The following SLC7A2 variants were observed in gnomAD, a reference collection of about 807,000 sequenced individuals.
SLC7A2 encodes the protein cationic amino acid transporter 2.
SLC7A2 carries 48 observed loss-of-function variants against 58.9 expected under a neutral mutation model. The ratio of observed to expected loss-of-function variants is 0.82; its 90% CI spans 0.65 to 1.04. SLC7A2 has a LOEUF of 1.04. Among genes scored for constraint, SLC7A2 ranks in the 50% least tolerant of loss-of-function variants. The pLI, the probability that SLC7A2 is intolerant of heterozygous loss-of-function variation, is 0.00. For missense variants in SLC7A2, 1,029 were observed against 818.8 expected (o/e 1.26, Z -3.13); for synonymous variants, 363 against 314.5 (o/e 1.15, Z -1.63).
intron 7 of SLC7A2, among the ~76,000 whole-genome samples, chr8:17,553,001 C>A (rs1308713462): frequency 6.6e-6 from 1 of 152,128 alleles, no homozygotes; most frequent in African/African-American, 2.4e-5. Context: ...CTAGTTAAGA[C>A]AATATTGAGT....
At chr8:17,561,714 G>T (rs1251792507) in intron 10 of SLC7A2, among the ~76,000 whole-genome samples, 1 of 152,174 alleles carries the variant, frequency 6.6e-6, no homozygotes, top group South Asian at 2.1e-4. Flanking sequence ...AGGGGCGGTT[G>T]GTTCTAAGGA....
At chr8:17,506,946 A>AT (rs34439439) in intron 2 of SLC7A2, among the ~76,000 whole-genome samples, 65,011 of 140,032 alleles carry the variant, frequency 0.46, 15,180 homozygotes, top group East Asian at 0.59. Flanking sequence ...TATTTGTGGA[A>AT]TTTTTTTTTT....
rs538226976 is a variant in SLC7A2 at position 17,524,626 on chromosome 8, A to G, written c.-22-18692A>G. 2.7e-4 allele frequency among the ~76,000 whole-genome samples: 41 copies of G among 152,258 alleles called. 1 individual carries two copies. In the South Asian group the frequency reaches 8.3e-3, roughly 31 times the overall value. On this transcript the variant is annotated intron_variant, in intron 2 of 12. Transcript: ENST00000494857. Reference sequence around the variant, plus strand: ...TAAGCTATGAGGACACAAAGGCATAAGAATGATACACTGGACTTTGGGGAA... The same window carrying G: ...TAAGCTATGAGGACACAAAGGCATAGGAATGATACACTGGACTTTGGGGAA...
chr8:17,564,585 A>G (rs149052195), intron 12 of SLC7A2, among the ~76,000 whole-genome samples: 2,420 of 152,254 alleles, frequency 0.016, 67 homozygotes, highest in African/African-American at 0.055. Flanking sequence ...ACCTCAGATC[A>G]TCAGGCATTA....
intron 9 of SLC7A2, among the ~76,000 whole-genome samples, 164 bp from the exon 10 acceptor site, chr8:17,560,164 G>T (rs1463368632): frequency 1.3e-5 from 2 of 152,122 alleles, no homozygotes; most frequent in Admixed American, 6.6e-5. Flanking sequence ...TATCGGAAAG[G>T]TTTGTGTCCT....
At chr8:17,521,713 A>T (rs556632680) in intron 2 of SLC7A2, among the ~76,000 whole-genome samples, 4 of 152,334 alleles carry the variant, frequency 2.6e-5, no homozygotes, top group South Asian at 4.1e-4. Context: ...ATGCTTGGCC[A>T]AGGAGGAAAT....
chr8:17,559,291 T>C (rs1802851397), intron 9 of SLC7A2, among the ~76,000 whole-genome samples: 1 of 152,170 alleles, frequency 6.6e-6, no homozygotes, highest in Admixed American at 6.6e-5. Flanking sequence ...GAAGTTTAAT[T>C]GACTCACAGT....
chr8:17,505,854 AC>A (rs1800344173), intron 2 of SLC7A2, among the ~76,000 whole-genome samples: 1 of 152,150 alleles, frequency 6.6e-6, no homozygotes, highest in Non-Finnish European at 1.5e-5. Flanking sequence ...CATACTAAAG[AC>A]CAGTGGAAGC....
intron 2 of SLC7A2, among the ~76,000 whole-genome samples, chr8:17,512,417 C>T (rs933819321): frequency 2.6e-5 from 4 of 151,966 alleles, no homozygotes; most frequent in African/African-American, 4.8e-5. Flanking sequence ...CATGGTGGCG[C>T]GTGTCTGTAA....
Position 17,517,356 on chromosome 8 carries a change from CA to C in SLC7A2, c.-23+15056del, listed in dbSNP as rs546258311. Among the ~76,000 whole-genome samples the C allele has an allele frequency of 2.0e-5, 3 of 152,186 alleles. No individual in the cohort carries two copies. The South Asian group carries it at 6.2e-4, about 32-fold the overall frequency. ...CTTGTTCTGAAATGTGTTTTGAATT[CA>C]AGAATATGAAGAGAATCAAGAATAT... On this transcript the variant is annotated intron_variant, in intron 2 of 12. Coordinates refer to ENST00000494857, the MANE Select transcript of SLC7A2 (RefSeq NM_001370338.1).
At chr8:17,505,068 T>G (rs932157212) in intron 2 of SLC7A2, among the ~76,000 whole-genome samples, 1 of 151,986 alleles carries the variant, frequency 6.6e-6, no homozygotes, top group African/African-American at 2.4e-5. Flanking sequence ...GATGGAAGCA[T>G]GTACCACCCC....
In SLC7A2 at chr8:17,566,838, G is replaced by C. The variant is rs928287114; in HGVS notation, c.*1692G>C. 2.6e-5 allele frequency: 4 copies of C among 152,160 alleles called. No homozygotes were observed. The highest frequency in any genetic ancestry group is 9.7e-5 in the African/African-American group (4 of 41,422). 9.4% of individuals were successfully genotyped at this position (152,160 alleles called of 1,614,324 possible). A position where few individuals can be genotyped will look rare whatever the true frequency, so the allele number is the denominator to read the frequency against. On this transcript the variant is annotated 3_prime_UTR_variant, in exon 13 of 13. Coordinates refer to ENST00000494857, the MANE Select transcript of SLC7A2 (RefSeq NM_001370338.1). The stretch of plus-strand genomic sequence containing the variant: ...GGGTGACATTTCCCAGGACAGCATG[G>C]TGAACATTACCAGGCATGCTAGCTG...
At chr8:17,538,708 C>G in intron 2 of SLC7A2, 4 of 1,235,864 alleles carry the variant, frequency 3.2e-6, no homozygotes, top group Non-Finnish European at 4.5e-6. Context: ...TAAAAAAGAT[C>G]TAGGGCAAAA....
At chr8:17,509,047 G>A (rs1800488810) in intron 2 of SLC7A2, among the ~76,000 whole-genome samples, 1 of 152,148 alleles carries the variant, frequency 6.6e-6, no homozygotes, top group South Asian at 2.1e-4. Context: ...TAAAGTGGAG[G>A]CAGCTCTAGG....
chr8:17,495,667 A>C (rs1158096210), upstream of SLC7A2, among the ~76,000 whole-genome samples: 1 of 152,118 alleles, frequency 6.6e-6, no homozygotes, highest in Non-Finnish European at 1.5e-5. Flanking sequence ...CTCCTGCCTC[A>C]ACCTCCCGAG....
chr8:17,562,104 C>A lies in SLC7A2; in HGVS notation c.1665C>A (p.Ala555=). The part of the protein sequence containing the change: ...WRQPQNQQKV[A]FMVPFLPFLP... ...AGCCCCAGAATCAGCAAAAAGTAGCCTTCATGGTATGTGTAATGAGGATTA... is the reference window on the plus strand; with the variant it reads ...AGCCCCAGAATCAGCAAAAAGTAGCATTCATGGTATGTGTAATGAGGATTA... The change falls in exon 11 of 13, where the codon GCC becomes GCA. Residue 555 remains alanine, a synonymous_variant. Transcript: ENST00000494857. The A allele has an allele frequency of 1.2e-6, 2 of 1,609,670 alleles. No homozygotes were observed. Among genetic ancestry groups the A allele is most frequent in the Non-Finnish European group, 1.7e-6 (2 of 1,178,226 alleles).
chr8:17,535,771 TGGG>T (rs1185504198), intron 2 of SLC7A2, among the ~76,000 whole-genome samples: 1 of 151,834 alleles, frequency 6.6e-6, no homozygotes, highest in Non-Finnish European at 1.5e-5. Context: ...AGTGTGGTGG[TGGG>T]CGCCTGTAGT....
At chr8:17,534,597 T>A (rs1801584908) in intron 2 of SLC7A2, among the ~76,000 whole-genome samples, 1 of 151,714 alleles carries the variant, frequency 6.6e-6, no homozygotes. Context: ...TTCAAGGAGC[T>A]CAGTGTGGAA....
Position 17,507,414 on chromosome 8 carries a change from G to A in SLC7A2, c.-23+5112G>A, listed in dbSNP as rs201535214. On this transcript the variant is annotated intron_variant, in intron 2 of 12. Coordinates refer to ENST00000494857, the MANE Select transcript of SLC7A2 (RefSeq NM_001370338.1). ...TGTGTGTGGAGACGGGGGTCTCACT[G>A]TGTTGCCCAGGCTGGTTTTGAACTC... Among the ~76,000 whole-genome samples, 88 of 152,074 alleles carry A rather than the reference G, an allele frequency of 5.8e-4. 1 individual carries two copies. In the East Asian group the frequency reaches 8.1e-3, roughly 14 times the overall value.
Sources: gnomAD v4.1 joint callset for allele counts (sites outside exome capture counted in the v4.1 genomes callset) on GRCh38, gnomAD v4.1.1 for gene constraint, MANE v1.5 for transcripts, NCBI Gene and HGNC (gene_info 2026-07-23, HGNC 2026-07-21) for gene names.